Variants in CPEB1 observed in about 807,000 individuals in gnomAD.
CPEB1 encodes the protein cytoplasmic polyadenylation element binding protein 1, also known as cytoplasmic polyadenylation element-binding protein 1.
Under a neutral mutation model 65.8 loss-of-function variants are expected in CPEB1, and 7 were observed. The observed-to-expected ratio is 0.11, with a 90% CI of 0.06 to 0.20. The LOEUF is 0.20. Ranked by LOEUF, CPEB1 falls within the 10% of genes least tolerant of loss-of-function variation. The pLI is 1.00. For synonymous variants in CPEB1, 262 were observed against 260.0 expected (o/e 1.01, Z -0.08); for missense variants, 551 against 712.2 (o/e 0.77, Z 2.58).
At chr15:82,564,726 C>CTT (rs1270772099) in intron 4 of CPEB1, among the ~76,000 whole-genome samples, 1 of 152,190 alleles carries the variant, frequency 6.6e-6, no homozygotes, top group Non-Finnish European at 1.5e-5. Context: ...GACAATACTT[C>CTT]TTCCCTGAGT....
intron 3 of CPEB1, among the ~76,000 whole-genome samples, chr15:82,590,209 CAAAAAAAAAAAAAAA>C (rs5814120): frequency 3.0e-4 from 31 of 104,150 alleles, no homozygotes; most frequent in Middle Eastern, 5.2e-3. Context: ...ATCCCTTTGA[CAAAAAAAAAAAAAAA>C]AAAAAAAAAA....
intron 3 of CPEB1, among the ~76,000 whole-genome samples, chr15:82,592,325 C>T (rs777173565): frequency 1.3e-5 from 2 of 151,870 alleles, no homozygotes; most frequent in Non-Finnish European, 2.9e-5. Flanking sequence ...TGGTGGCTCA[C>T]GCCTGTATTC....
At chr15:82,547,042 A>G in intron 11 of CPEB1, 101 bp downstream of exon 11, 1 of 780,514 alleles carries the variant, frequency 1.3e-6, no homozygotes, top group South Asian at 1.7e-5. Flanking sequence ...CCCTAAACAC[A>G]CCCAGCACAA....
chr15:82,620,074 C>T (rs1014990546), intron 3 of CPEB1, among the ~76,000 whole-genome samples: 37 of 152,278 alleles, frequency 2.4e-4, no homozygotes, highest in African/African-American at 8.2e-4. Context: ...GAATCAATGA[C>T]CCACAACCAG....
At chr15:82,627,114 G>A in intron 3 of CPEB1, 79 bp downstream of exon 3, 1 of 1,155,278 alleles carries the variant, frequency 8.7e-7, no homozygotes, top group Non-Finnish European at 1.2e-6. Flanking sequence ...AGCTTTCCAA[G>A]GAAGACCTCT....
chr15:82,602,614 G>A (rs2043211629), intron 3 of CPEB1, among the ~76,000 whole-genome samples: 1 of 152,166 alleles, frequency 6.6e-6, no homozygotes. Flanking sequence ...GGGAGGCCGA[G>A]GCGAATGGAT....
At chr15:82,559,605 G>A (rs1047006475) in intron 4 of CPEB1, among the ~76,000 whole-genome samples, 14 of 152,200 alleles carry the variant, frequency 9.2e-5, no homozygotes, top group African/African-American at 2.7e-4. Context: ...TGTGGGTGGG[G>A]TGGAGCCACA....
intron 4 of CPEB1, among the ~76,000 whole-genome samples, chr15:82,561,346 A>G (rs1423310632): frequency 1.3e-5 from 2 of 152,226 alleles, no homozygotes; most frequent in African/African-American, 4.8e-5. Context: ...CTTCAGCTAA[A>G]GCAGAAAATG....
chr15:82,642,461 C>A (rs1244795641), intron 1 of CPEB1, among the ~76,000 whole-genome samples: 1 of 152,134 alleles, frequency 6.6e-6, no homozygotes, highest in Non-Finnish European at 1.5e-5. Context: ...GCTGAAGGAT[C>A]CCTTAAGCCA....
At chr15:82,603,458 A>C (rs989329821) in intron 3 of CPEB1, among the ~76,000 whole-genome samples, 1 of 151,316 alleles carries the variant, frequency 6.6e-6, no homozygotes, top group Non-Finnish European at 1.5e-5. Context: ...AAAAAGCTTA[A>C]AAGGCTGGGG....
intron 3 of CPEB1, among the ~76,000 whole-genome samples, chr15:82,608,524 G>C (rs1236397160): frequency 6.6e-6 from 1 of 152,104 alleles, no homozygotes; most frequent in Admixed American, 6.5e-5. Flanking sequence ...AGGGAGGAAG[G>C]TATGAAAATA....
At chr15:82,555,816 T>A in intron 6 of CPEB1, 54 bp downstream of exon 6, 1 of 1,572,982 alleles carries the variant, frequency 6.4e-7, no homozygotes, top group South Asian at 1.2e-5. Context: ...GGTCACTTCC[T>A]CTCTGCTCCC....
chr15:82,600,897 CTTTTTTTTTTT>C (rs751843256), intron 3 of CPEB1, among the ~76,000 whole-genome samples: 9 of 64,176 alleles, frequency 1.4e-4, no homozygotes, highest in African/African-American at 3.7e-4. Flanking sequence ...CAGAACTTGT[CTTTTTTTTTTT>C]TTTTTTTTTT....
At chr15:82,646,969 G>A in intron 1 of CPEB1, 168 bp downstream of exon 1, 1 of 152,676 alleles carries the variant, frequency 6.5e-6, no homozygotes, top group Non-Finnish European at 1.5e-5. Flanking sequence ...TGGGCACCTG[G>A]CCTCGTCCGG....
intron 9 of CPEB1, among the ~76,000 whole-genome samples, chr15:82,551,771 A>T (rs1408616246): frequency 1.3e-5 from 2 of 152,148 alleles, no homozygotes; most frequent in African/African-American, 4.8e-5. Context: ...GTTCTCAAAC[A>T]CTACCCACTA....
intron 4 of CPEB1, among the ~76,000 whole-genome samples, chr15:82,565,321 G>A (rs988588802): frequency 1.3e-5 from 2 of 152,150 alleles, no homozygotes; most frequent in Non-Finnish European, 2.9e-5. Context: ...AAAGACAAAG[G>A]GAAGTGGGGG....
chr15:82,599,671 A>T (rs1394888739), intron 3 of CPEB1, among the ~76,000 whole-genome samples: 1 of 152,208 alleles, frequency 6.6e-6, no homozygotes, highest in African/African-American at 2.4e-5. Flanking sequence ...CAAGAAGCAA[A>T]GGAAAAGAAG....
intron 3 of CPEB1, among the ~76,000 whole-genome samples, chr15:82,589,080 T>C (rs2042021205): frequency 6.6e-6 from 1 of 152,226 alleles, no homozygotes; most frequent in Admixed American, 6.5e-5. Flanking sequence ...TTATTTTGTC[T>C]CTATTATTAC....
intron 3 of CPEB1, among the ~76,000 whole-genome samples, chr15:82,577,837 T>A (rs796399143): frequency 6.6e-6 from 1 of 152,014 alleles, no homozygotes; most frequent in Non-Finnish European, 1.5e-5. Flanking sequence ...CTGAAAAATA[T>A]AGCATTGATA....
Sources: allele counts gnomAD v4.1 joint callset (sites outside exome capture counted in the v4.1 genomes callset), GRCh38; gene constraint gnomAD v4.1.1; transcripts MANE v1.5; gene names NCBI Gene and HGNC (gene_info 2026-07-23, HGNC 2026-07-21).